TRPM1: variants seen among roughly 807,000 people sequenced by gnomAD.
The protein encoded by TRPM1 is TRPM1-203 APA Isoform, Intron 10.
In TRPM1, 113 loss-of-function variants were observed where a neutral mutation model predicts 149.4. The observed-to-expected ratio is 0.76, with a 90% CI of 0.65 to 0.88. The LOEUF (loss-of-function observed/expected upper bound fraction) is 0.88. TRPM1 is among the 40% of genes least tolerant of loss of function. The pLI is 0.00. For synonymous variants in TRPM1, 741 were observed against 759.5 expected, an observed-to-expected ratio of 0.98 and a Z score of 0.40; for missense variants, 1,976 against 2,038.7, an observed-to-expected ratio of 0.97 and a Z score of 0.59.
At chr15:31,008,799 A>C (rs1272298735) in intron 27 of TRPM1, among the ~76,000 whole-genome samples, 1 of 152,162 alleles carries the variant, frequency 6.6e-6, no homozygotes, top group Non-Finnish European at 1.5e-5. Context: ...TTACCACTTC[A>C]ATTTGAATGT....
chr15:31,009,197 G>T (rs765193917), intron 27 of TRPM1, among the ~76,000 whole-genome samples: 3 of 150,852 alleles, frequency 2.0e-5, no homozygotes, highest in Non-Finnish European at 2.9e-5. Context: ...TTTTCTTTCA[G>T]CACTTTAAAA....
intron 16 of TRPM1, 91 bp from the exon 17 acceptor site, chr15:31,042,334 C>A: frequency 7.4e-7 from 1 of 1,359,952 alleles, no homozygotes; most frequent in Non-Finnish European, 1.0e-6. Flanking sequence ...CCCTTTCTGT[C>A]AGAGGTAATA....
chr15:31,086,592 C>T (rs546888276), intron 1 of TRPM1, among the ~76,000 whole-genome samples: 2 of 152,316 alleles, frequency 1.3e-5, no homozygotes, highest in Non-Finnish European at 2.9e-5. Context: ...AGCATCCCCA[C>T]CTCTCCCAGC....
At chr15:31,053,355 A>G (rs950833391) in intron 11 of TRPM1, among the ~76,000 whole-genome samples, 2 of 151,322 alleles carry the variant, frequency 1.3e-5, no homozygotes, top group African/African-American at 4.9e-5. Context: ...GGTTCAAGTG[A>G]TTCTCCTACC....
intron 1 of TRPM1, among the ~76,000 whole-genome samples, chr15:31,096,079 AAAAGAAAAG>A (rs1332491298): frequency 6.7e-6 from 1 of 149,494 alleles, no homozygotes; most frequent in East Asian, 1.9e-4. Flanking sequence ...AAAAGAAAAG[AAAAGAAAAG>A]AAAGAAGGAA....
chr15:31,141,717 GACA>G (rs1424812016), intron 1 of TRPM1, among the ~76,000 whole-genome samples: 2 of 152,194 alleles, frequency 1.3e-5, no homozygotes, highest in African/African-American at 4.8e-5. Flanking sequence ...AGAAATTTAG[GACA>G]ACAAGGTTTA....
At chr15:31,017,375 TC>T (rs1390601488) in intron 27 of TRPM1, among the ~76,000 whole-genome samples, 7 of 152,196 alleles carry the variant, frequency 4.6e-5, no homozygotes, top group Admixed American at 2.0e-4. Flanking sequence ...ATGTCATGAC[TC>T]TTTTTGTTTA....
At chr15:31,007,839 G>A (rs2032052424) in intron 27 of TRPM1, among the ~76,000 whole-genome samples, 1 of 152,092 alleles carries the variant, frequency 6.6e-6, no homozygotes, top group African/African-American at 2.4e-5. Context: ...ATTTATTTAA[G>A]TGATCTTTGA....
At chr15:31,076,236 T>C (rs1223527529) in intron 3 of TRPM1, among the ~76,000 whole-genome samples, 2 of 152,128 alleles carry the variant, frequency 1.3e-5, no homozygotes, top group East Asian at 1.9e-4. Flanking sequence ...TGAAACAAAT[T>C]TGAAGCAGGT....
chr15:31,088,990 G>A (rs968754240), intron 1 of TRPM1, among the ~76,000 whole-genome samples: 5 of 152,196 alleles, frequency 3.3e-5, no homozygotes, highest in African/African-American at 7.2e-5. Flanking sequence ...TGGCTGATGG[G>A]CAGTTCTAGA....
At chr15:31,099,015 T>G (rs1177431623) in intron 1 of TRPM1, among the ~76,000 whole-genome samples, 1 of 152,212 alleles carries the variant, frequency 6.6e-6, no homozygotes, top group East Asian at 1.9e-4. Flanking sequence ...ATACAGTTTC[T>G]GAAAAGCAGT....
chr15:31,160,264 AG>A, intron 1 of TRPM1, among the ~76,000 whole-genome samples: 1 of 152,262 alleles, frequency 6.6e-6, no homozygotes, highest in African/African-American at 2.4e-5. Context: ...ACCTAGGAAA[AG>A]CACACCTAAG....
chr15:31,105,231 T>C (rs1190834848), upstream of TRPM1, among the ~76,000 whole-genome samples: 2 of 152,234 alleles, frequency 1.3e-5, no homozygotes, highest in Non-Finnish European at 2.9e-5. Flanking sequence ...ACCCCAGGAA[T>C]CTCTGAGAGC....
chr15:31,114,097 C>T (rs907775340), intron 1 of TRPM1, among the ~76,000 whole-genome samples: 1 of 152,206 alleles, frequency 6.6e-6, no homozygotes, highest in Non-Finnish European at 1.5e-5. Flanking sequence ...CAAGTCCCCA[C>T]TGGACACAGA....
chr15:31,024,167 G>A (rs543611786), intron 27 of TRPM1, among the ~76,000 whole-genome samples: 3 of 152,144 alleles, frequency 2.0e-5, no homozygotes, highest in East Asian at 1.9e-4. Flanking sequence ...AGACACGACC[G>A]AGAGAAGAGC....
chr15:31,071,238 C>G (rs939484388), intron 3 of TRPM1, among the ~76,000 whole-genome samples: 14 of 152,138 alleles, frequency 9.2e-5, no homozygotes, highest in African/African-American at 3.1e-4. Context: ...TGGAGTGATG[C>G]CTTGGTGGAG....
intron 20 of TRPM1, 92 bp downstream of exon 20, chr15:31,037,619 T>C (rs1193680423): frequency 3.6e-5 from 56 of 1,551,318 alleles, no homozygotes; most frequent in Non-Finnish European, 4.8e-5. Context: ...AATTTTTAGA[T>C]ACTTTTTTAA....
At chr15:31,153,099 T>A (rs950518691) in intron 1 of TRPM1, among the ~76,000 whole-genome samples, 3 of 152,268 alleles carry the variant, frequency 2.0e-5, no homozygotes, top group Non-Finnish European at 4.4e-5. Flanking sequence ...CCTTTACAGC[T>A]GTCTGTTGTG....
intron 27 of TRPM1, among the ~76,000 whole-genome samples, chr15:31,007,260 G>A (rs2032024397): frequency 2.0e-5 from 3 of 152,054 alleles, no homozygotes. Context: ...TCCATTCGTC[G>A]TTGAATTAGT....
Sources: allele counts gnomAD v4.1 joint callset (sites outside exome capture counted in the v4.1 genomes callset), GRCh38; gene constraint gnomAD v4.1.1; transcripts MANE v1.5; gene names NCBI Gene and HGNC (gene_info 2026-07-23, HGNC 2026-07-21).